The following GBF1 variants were observed in gnomAD, a reference collection of about 807,000 sequenced individuals.
GBF1 encodes the protein Golgi-specific brefeldin A-resistance guanine nucleotide exchange factor 1.
In GBF1, 114 loss-of-function variants were observed where a neutral mutation model predicts 210.5. The observed-to-expected ratio is 0.54, with a 90% CI of 0.47 to 0.63. The LOEUF is 0.63. Ranked by LOEUF, GBF1 falls within the 30% of genes least tolerant of loss-of-function variation. The pLI is 0.00. For synonymous variants in GBF1, 850 were observed against 889.2 expected, an observed-to-expected ratio of 0.96 and a Z score of 0.78; for missense variants, 1,851 against 2,357.7, an observed-to-expected ratio of 0.79 and a Z score of 4.45.
rs2135366526 is a variant in GBF1 at position 102,379,373 on chromosome 10, C to G, written c.4584C>G (p.Gly1528=). ...AGCAACGCCACCTGGAGACAGGTGGCCAGAAGATTGAAGCTGATTCTCGCA... is the reference window on the plus strand; with the variant it reads ...AGCAACGCCACCTGGAGACAGGTGGGCAGAAGATTGAAGCTGATTCTCGCA... The part of the protein sequence containing the change: ...AEEQRHLETG[G]QKIEADSRTL... The change falls in exon 34 of 40, where the codon GGC becomes GGG. Residue 1528 remains glycine, a synonymous_variant. Coordinates refer to ENST00000369983, the MANE Select transcript of GBF1 (RefSeq NM_001377137.1). The G allele has an allele frequency of 6.2e-7, 1 of 1,614,012 alleles. No homozygotes were observed. The highest frequency in any genetic ancestry group is 1.7e-4 in the Middle Eastern group (1 of 6,050).
At position 102,370,496 on chromosome 10, in the gene GBF1, T is replaced by G; in HGVS notation, c.3506+18T>G. 6.3e-7 allele frequency: 1 copy of G among 1,577,628 alleles called. No individual in the cohort carries two copies. On this transcript the variant is annotated intron_variant, in intron 28 of 39. Coordinates refer to ENST00000369983, the MANE Select transcript of GBF1 (RefSeq NM_001377137.1). ...GAGAACAGGTAAGATGAGCGTAGTCTTTAGGCAGACCCCATGCTGGGCTTG... is the reference window on the plus strand; with the variant it reads ...GAGAACAGGTAAGATGAGCGTAGTCGTTAGGCAGACCCCATGCTGGGCTTG...
At chr10:102,347,127 C>T (rs2058629794) in intron 4 of GBF1, among the ~76,000 whole-genome samples, 1 of 152,184 alleles carries the variant, frequency 6.6e-6, no homozygotes, top group African/African-American at 2.4e-5. Flanking sequence ...ATATAGAAAA[C>T]AGGCAGCTGT....
Position 102,382,422 on chromosome 10 carries a change from T to G in GBF1, c.*86T>G. On this transcript the variant is annotated 3_prime_UTR_variant, in exon 40 of 40. Coordinates refer to ENST00000369983, the MANE Select transcript of GBF1 (RefSeq NM_001377137.1). ...TGGCTGTCCTGCGGGCCACAAGCTC[T>G]TCAGGCCAAGTCAGAGCTGCTGTTG... The G allele has an allele frequency of 1.6e-6, 2 of 1,240,168 alleles. No individual in the cohort carries two copies. The highest frequency in any genetic ancestry group is 2.3e-6 in the Non-Finnish European group (2 of 888,650). 76.8% of individuals were successfully genotyped at this position (1,240,168 alleles called of 1,614,324 possible).
chr10:102,284,474 T>C (rs545794708), intron 3 of GBF1, among the ~76,000 whole-genome samples: 1 of 152,304 alleles, frequency 6.6e-6, no homozygotes, highest in South Asian at 2.1e-4. Flanking sequence ...TCTCTGTAAA[T>C]TTACCTATTC....
intron 3 of GBF1, among the ~76,000 whole-genome samples, chr10:102,264,161 A>T (rs911366413): frequency 6.6e-6 from 1 of 152,224 alleles, no homozygotes; most frequent in South Asian, 2.1e-4. Flanking sequence ...TATGTGAATC[A>T]TATCTCAGTT....
At chr10:102,233,315 T>TG in the GBF1 span, among the ~76,000 whole-genome samples, 6 of 146,338 alleles carry the variant, frequency 4.1e-5, 1 homozygote, top group Admixed American at 2.7e-4. Context: ...TTTTTTTTTT[T>TG]TTTTTTGAGA....
At chr10:102,237,439 A>T in the GBF1 span, among the ~76,000 whole-genome samples, 1 of 152,102 alleles carries the variant, frequency 6.6e-6, no homozygotes, top group Non-Finnish European at 1.5e-5. Flanking sequence ...GCCACGGGAG[A>T]TCTGCAGAGA....
intron 3 of GBF1, among the ~76,000 whole-genome samples, chr10:102,326,833 T>C (rs535155769): frequency 3.3e-5 from 5 of 152,334 alleles, no homozygotes; most frequent in Middle Eastern, 3.4e-3. Context: ...CCATGTTGCA[T>C]ATATCAGTAG....
the GBF1 span, chr10:102,231,222 A>G: frequency 6.0e-6 from 6 of 1,001,258 alleles, no homozygotes; most frequent in Non-Finnish European, 8.5e-6. Context: ...TGAGGTGGCT[A>G]GAGACGGGGT....
intron 3 of GBF1, among the ~76,000 whole-genome samples, chr10:102,269,623 T>G (rs2074202611): frequency 6.6e-6 from 1 of 152,158 alleles, no homozygotes; most frequent in Non-Finnish European, 1.5e-5. Flanking sequence ...GATTATTTTT[T>G]GTTTTCAAGT....
chr10:102,257,191 A>G (rs1461526061), intron 1 of GBF1, among the ~76,000 whole-genome samples: 1 of 152,240 alleles, frequency 6.6e-6, no homozygotes, highest in Non-Finnish European at 1.5e-5. Flanking sequence ...TATCATATTA[A>G]TGCTTTCTTG....
intron 3 of GBF1, among the ~76,000 whole-genome samples, chr10:102,280,153 AAAT>A: frequency 6.6e-6 from 1 of 152,034 alleles, no homozygotes; most frequent in African/African-American, 2.4e-5. Flanking sequence ...AGAGAGAGAG[AAAT>A]AAGTAGAGAC....
At chr10:102,240,132 A>T in the GBF1 span, among the ~76,000 whole-genome samples, 3 of 152,286 alleles carry the variant, frequency 2.0e-5, no homozygotes, top group African/African-American at 7.2e-5. Context: ...TGGTCGCCTG[A>T]TACTCCAGCA....
At position 102,375,709 on chromosome 10, in the gene GBF1, C is replaced by A. The variant is rs181307212; in HGVS notation, c.3886+125C>A. 2.3e-5 allele frequency: 15 copies of A among 641,330 alleles called. No homozygotes were observed. In the East Asian group the frequency reaches 3.8e-4, roughly 16 times the overall value. The allele number at this position is 641,330 out of a possible 1,614,324, so 39.7% of individuals were successfully genotyped here. On this transcript the variant is annotated intron_variant, in intron 30 of 39. Transcript: ENST00000369983. ...TAAACAGCCCTGGCTCCTGCCATCACTTCCAGAGCTTCCAGTGCCCGCTGG... is the reference window on the plus strand; with the variant it reads ...TAAACAGCCCTGGCTCCTGCCATCAATTCCAGAGCTTCCAGTGCCCGCTGG...
chr10:102,367,452 G>GA (rs1565170163), intron 20 of GBF1, 26 bp from the exon 21 acceptor site: 3 of 1,502,542 alleles, frequency 2.0e-6, no homozygotes, highest in South Asian at 2.3e-5. Flanking sequence ...GACACAAGGG[G>GA]AAAAAACTTA....
intron 29 of GBF1, among the ~76,000 whole-genome samples, chr10:102,372,490 G>C (rs777134110): frequency 1.3e-5 from 2 of 152,142 alleles, no homozygotes; most frequent in Non-Finnish European, 1.5e-5. Context: ...ACTCCAGCCT[G>C]GACAGCGAAA....
At position 102,363,184 on chromosome 10, in the gene GBF1, T is replaced by G; in HGVS notation, c.1877-72T>G. 1 of 1,402,832 alleles carries G rather than the reference T, an allele frequency of 7.1e-7. No homozygotes were observed. Among genetic ancestry groups the G allele is most frequent in the Non-Finnish European group, 9.6e-7 (1 of 1,036,966 alleles). 86.9% of individuals were successfully genotyped at this position (1,402,832 alleles called of 1,614,324 possible). On this transcript the variant is annotated intron_variant, in intron 15 of 39. Transcript: ENST00000369983. This position sits in a 1 kb window ranked among gnomAD's most constrained non-coding sequence, Gnocchi z 4.2. ...CCATGCAGGTCTTCTGGGCTTGGGA[T>G]TTGATCTATCCTGCAGCTCTGCTTG...
At chr10:102,313,565 A>G (rs1269904526) in intron 3 of GBF1, among the ~76,000 whole-genome samples, 3 of 152,324 alleles carry the variant, frequency 2.0e-5, no homozygotes, top group East Asian at 1.9e-4. Flanking sequence ...GGCAGAATGT[A>G]GAAGCCCTCA....
upstream of GBF1, among the ~76,000 whole-genome samples, chr10:102,242,013 T>C (rs891304283): frequency 1.3e-5 from 2 of 152,170 alleles, no homozygotes; most frequent in African/African-American, 2.4e-5. Context: ...TCTGTTCCAA[T>C]CCTCCCACGT....
Sources: gnomAD v4.1 joint callset for allele counts (sites outside exome capture counted in the v4.1 genomes callset) on GRCh38, gnomAD v4.1.1 for gene constraint, Gnocchi (gnomAD v3.1) non-coding constraint, MANE v1.5 for transcripts, NCBI Gene and HGNC (gene_info 2026-07-23, HGNC 2026-07-21) for gene names.